Variants in FRMD4A observed in about 807,000 individuals in gnomAD.
FRMD4A encodes FERM domain-containing protein 4A.
FRMD4A carries 29 observed loss-of-function variants against 129.1 expected under a neutral mutation model. The ratio of observed to expected loss-of-function variants is 0.22; its 90% confidence interval spans 0.17 to 0.31. FRMD4A has a LOEUF of 0.31. Among genes scored for constraint, FRMD4A ranks in the 10% least tolerant of loss-of-function variants. The pLI is 1.00. For synonymous variants in FRMD4A, 634 were observed against 571.6 expected (o/e 1.11, Z -1.56); for missense variants, 1,272 against 1,375.8 (o/e 0.92, Z 1.19).
chr10:13,861,168 G>C (rs1392864603), intron 2 of FRMD4A, among the ~76,000 whole-genome samples: 2 of 152,162 alleles, frequency 1.3e-5, no homozygotes, highest in Non-Finnish European at 2.9e-5. Flanking sequence ...TGAGCTCCTG[G>C]AGACCAGGAG....
At chr10:14,061,868 C>T (rs986168956) in intron 2 of FRMD4A, among the ~76,000 whole-genome samples, 3 of 152,204 alleles carry the variant, frequency 2.0e-5, no homozygotes, top group African/African-American at 4.8e-5. Flanking sequence ...TGTTTGGTGA[C>T]ATTACTGAGT....
chr10:14,192,987 T>C (rs1424465317), intron 2 of FRMD4A, among the ~76,000 whole-genome samples: 2 of 152,248 alleles, frequency 1.3e-5, no homozygotes, highest in Non-Finnish European at 2.9e-5. Flanking sequence ...AGTAACAGCG[T>C]GTATTTGCTG....
At chr10:14,280,842 C>T (rs767112796) in intron 2 of FRMD4A, among the ~76,000 whole-genome samples, 7 of 152,068 alleles carry the variant, frequency 4.6e-5, no homozygotes, top group Non-Finnish European at 4.4e-5. Flanking sequence ...GTTATAGGCT[C>T]AATGGTGTTC....
At chr10:13,768,595 G>A (rs907085455) in intron 6 of FRMD4A, among the ~76,000 whole-genome samples, 2 of 152,128 alleles carry the variant, frequency 1.3e-5, no homozygotes, top group African/African-American at 2.4e-5. Flanking sequence ...TTTTCCTAAC[G>A]AATTCTCACC....
At chr10:13,809,820 A>AGT (rs1047321361) in intron 4 of FRMD4A, among the ~76,000 whole-genome samples, 4 of 152,214 alleles carry the variant, frequency 2.6e-5, no homozygotes, top group Admixed American at 1.3e-4. Context: ...CCTTTTGTTC[A>AGT]GTGTCTCAAT....
intron 2 of FRMD4A, among the ~76,000 whole-genome samples, chr10:14,114,838 A>G (rs1441019561): frequency 5.3e-5 from 8 of 152,312 alleles, no homozygotes; most frequent in Non-Finnish European, 1.5e-5. Context: ...GCAAAATCCC[A>G]TTTAAGCTAC....
rs2131287461 is a variant in FRMD4A at position 13,931,939 on chromosome 10, A to G, written c.46-73027T>C. Among the ~76,000 whole-genome samples the G allele has an allele frequency of 2.0e-5, 3 of 147,802 alleles. No individual in the cohort carries two copies. The Middle Eastern group carries it at 0.01, about 510-fold the overall frequency. On this transcript the variant is annotated intron_variant, in intron 2 of 24. Transcript: ENST00000357447. ...ACTCCAGCCTGGGCAATAGAGCAAG[A>G]CTCTGTCTCAAAAACCAACCAACCA...
intron 5 of FRMD4A, among the ~76,000 whole-genome samples, chr10:13,786,201 T>A (rs374490529): frequency 6.6e-6 from 1 of 152,236 alleles, no homozygotes; most frequent in Non-Finnish European, 1.5e-5. Context: ...CGCCACACTG[T>A]CTTCCACAAT....
Position 13,693,884 on chromosome 10 carries a change from T to C in FRMD4A, c.1117+14A>G. The C allele has an allele frequency of 6.2e-7, 1 of 1,609,174 alleles. No homozygotes were observed. The stretch of plus-strand genomic sequence containing the variant: ...CATGCTCAGGGGGCGTCCCTCCAGC[T>C]GGCCTCTGCCTACCTGAAGACAGCA... On this transcript the variant is annotated intron_variant, in intron 15 of 24. Coordinates refer to ENST00000357447, the MANE Select transcript of FRMD4A (RefSeq NM_018027.5).
At chr10:13,865,121 G>A (rs541616090) in intron 2 of FRMD4A, among the ~76,000 whole-genome samples, 1 of 152,068 alleles carries the variant, frequency 6.6e-6, no homozygotes, top group Non-Finnish European at 1.5e-5. Context: ...GGAATTACAG[G>A]AGTGATCCAA....
Position 13,936,665 on chromosome 10 carries a change from A to G in FRMD4A, c.46-77753T>C, listed in dbSNP as rs545603968. Among the ~76,000 whole-genome samples the G allele has an allele frequency of 3.9e-3, 595 of 152,272 alleles. 4 individuals carry two copies. Among genetic ancestry groups the G allele is most frequent in the African/African-American group, 0.014 (573 of 41,552 alleles). On this transcript the variant is annotated intron_variant, in intron 2 of 24. Coordinates refer to ENST00000357447, the MANE Select transcript of FRMD4A (RefSeq NM_018027.5). ...TACCCCCACCTTGATCTTGGACTTC[A>G]CAGGCCCTAGAATGGTAGGGAATAT...
chr10:14,127,982 C>CTT lies in FRMD4A; in HGVS notation c.45+202075_45+202076insAA, dbSNP rs1400824488. On this transcript the variant is annotated intron_variant, in intron 2 of 24. Coordinates refer to ENST00000357447, the MANE Select transcript of FRMD4A (RefSeq NM_018027.5). ...TCTTTCTTTCTTTCTTTCTTTCCTT[C>CTT]TCTCTCTCTCTCTCTCTCTTTCTTT... is the stretch of plus-strand genomic sequence containing the variant. Among the ~76,000 whole-genome samples the CTT allele has an allele frequency of 1.3e-3, 108 of 81,222 alleles. 9 individuals are homozygous for CTT. The highest frequency in any genetic ancestry group is 5.0e-3 in the East Asian group (17 of 3,390). 53.3% of individuals were successfully genotyped at this position (81,222 alleles called of 152,430 possible).
In FRMD4A at chr10:13,802,952, A is replaced by G. The variant is rs12241647; in HGVS notation, c.207-6364T>C. ...TACCTGAAGCCAGGAGTTCGAGACC[A>G]GCCTGGCTAACATGGTGAAACCCCG... On this transcript the variant is annotated intron_variant, in intron 4 of 24. Coordinates refer to ENST00000357447, the MANE Select transcript of FRMD4A (RefSeq NM_018027.5). 1.0e-2 allele frequency among the ~76,000 whole-genome samples: 1,520 copies of G among 152,302 alleles called. 22 individuals carry two copies. Among genetic ancestry groups the G allele is most frequent in the African/African-American group, 0.034 (1,426 of 41,552 alleles).
At chr10:14,245,733 A>G (rs1378469391) in intron 2 of FRMD4A, among the ~76,000 whole-genome samples, 2 of 152,206 alleles carry the variant, frequency 1.3e-5, no homozygotes, top group African/African-American at 4.8e-5. Context: ...CTACTAGCCA[A>G]GGAGAGAGGT....
At chr10:14,131,873 T>C (rs1343686327) in intron 2 of FRMD4A, among the ~76,000 whole-genome samples, 1 of 152,162 alleles carries the variant, frequency 6.6e-6, no homozygotes, top group Non-Finnish European at 1.5e-5. Context: ...AAGGACCTCT[T>C]CATCCTGATC....
chr10:14,105,603 T>C (rs1341749053), intron 2 of FRMD4A, among the ~76,000 whole-genome samples: 1 of 152,200 alleles, frequency 6.6e-6, no homozygotes, highest in Non-Finnish European at 1.5e-5. Flanking sequence ...TATACAATAA[T>C]TTCTTAATAT....
intron 2 of FRMD4A, among the ~76,000 whole-genome samples, chr10:13,977,072 C>T (rs1021308754): frequency 6.6e-6 from 1 of 152,092 alleles, no homozygotes; most frequent in African/African-American, 2.4e-5. Flanking sequence ...GATCAATAGC[C>T]GATTTATTCC....
chr10:13,934,469 C>CTT (rs75727770), intron 2 of FRMD4A, among the ~76,000 whole-genome samples: 2 of 147,926 alleles, frequency 1.4e-5, no homozygotes, highest in Non-Finnish European at 3.0e-5. Flanking sequence ...CATTTTAAAA[C>CTT]TTTTTTTTTT....
intron 2 of FRMD4A, among the ~76,000 whole-genome samples, chr10:13,922,051 A>C (rs1294960424): frequency 6.6e-6 from 1 of 152,144 alleles, no homozygotes; most frequent in African/African-American, 2.4e-5. Context: ...GAGAGATCAG[A>C]GCTTTCTGTC....
Sources: gnomAD v4.1 joint callset for allele counts (sites outside exome capture counted in the v4.1 genomes callset) on GRCh38, gnomAD v4.1.1 for gene constraint, MANE v1.5 for transcripts, NCBI Gene and HGNC (gene_info 2026-07-23, HGNC 2026-07-21) for gene names.